The following GAB4 variants were observed in gnomAD, a reference collection of about 807,000 sequenced individuals.
GAB4 encodes GRB2-associated-binding protein 4.
GAB4 carries 26 observed loss-of-function variants against 51.3 expected under a neutral mutation model. The observed-to-expected ratio is 0.51, with a 90% CI of 0.37 to 0.70. The LOEUF (loss-of-function observed/expected upper bound fraction) is 0.70. Among genes scored for constraint, GAB4 ranks in the 30% least tolerant of loss-of-function variants. The pLI is 0.00. For missense variants in GAB4, 759 were observed against 734.6 expected (o/e 1.03, Z -0.38); for synonymous variants, 329 against 291.2 (o/e 1.13, Z -1.32).
At chr22:16,975,947 G>T (rs531848706) in intron 3 of GAB4, among the ~76,000 whole-genome samples, 4 of 152,076 alleles carry the variant, frequency 2.6e-5, no homozygotes, top group Non-Finnish European at 5.9e-5. Context: ...CTGACTGTTA[G>T]GAGGAAAACT....
intron 3 of GAB4, among the ~76,000 whole-genome samples, chr22:16,977,088 C>T (rs1332613878): frequency 3.9e-5 from 6 of 152,106 alleles, no homozygotes; most frequent in African/African-American, 7.2e-5. Flanking sequence ...TAGAGACCAT[C>T]AATGCTAGGA....
chr22:16,964,798 A>C lies in GAB4; in HGVS notation c.1444T>G (p.Ser482Ala), dbSNP rs2060658122. ...ISTQSITNTD[S>A]EDSGERYLFP... ...AGATACCTCTCTCCACTGTCTTCTG[A>C]GTCTGTGTTGGTGATGCTCTGCGTG... The change falls in exon 8 of 10, where the codon TCA (serine) becomes GCA (alanine). Residue 482 changes from serine (S) to alanine (A), a missense_variant. By Grantham distance (99) the Ser-to-Ala change is moderately conservative. This residue lies in a region of GAB4 where 588 missense variants were observed against 510.2 expected (regional missense o/e 1.15). Coordinates refer to ENST00000400588, the MANE Select transcript of GAB4 (RefSeq NM_001037814.1). 1 of 1,613,724 alleles carries C rather than the reference A, an allele frequency of 6.2e-7. No individual in the cohort carries two copies. Among genetic ancestry groups the C allele is most frequent in the Non-Finnish European group, 8.5e-7 (1 of 1,179,814 alleles).
chr22:16,986,144 G>A (rs2060865224), intron 3 of GAB4, among the ~76,000 whole-genome samples: 1 of 152,218 alleles, frequency 6.6e-6, no homozygotes, highest in African/African-American at 2.4e-5. Context: ...TGGGAGTACA[G>A]GTGGTGGTGG....
chr22:16,966,435 C>A, intron 5 of GAB4, 71 bp from the exon 6 acceptor site: 3 of 1,485,020 alleles, frequency 2.0e-6, no homozygotes, highest in South Asian at 2.5e-5. Context: ...AATTTCTAGA[C>A]AAGGCCAAAA....
At chr22:16,983,666 T>G (rs1350286996) in intron 3 of GAB4, among the ~76,000 whole-genome samples, 1 of 152,198 alleles carries the variant, frequency 6.6e-6, no homozygotes, top group African/African-American at 2.4e-5. Context: ...AGTCAACTCA[T>G]TTTCAACAAA....
At chr22:17,001,634 C>T (rs2060998261) in intron 1 of GAB4, among the ~76,000 whole-genome samples, 1 of 152,244 alleles carries the variant, frequency 6.6e-6, no homozygotes, top group Non-Finnish European at 1.5e-5. Flanking sequence ...CTGAAGCCTT[C>T]TTCTGTCAAC....
At chr22:16,972,970 C>T (rs1200654059) in intron 3 of GAB4, among the ~76,000 whole-genome samples, 4 of 152,190 alleles carry the variant, frequency 2.6e-5, no homozygotes, top group Admixed American at 6.5e-5. Flanking sequence ...TCAAACCAGA[C>T]GTCACTGTGT....
At chr22:17,007,798 G>A in intron 1 of GAB4, 143 bp downstream of exon 1, 2 of 713,468 alleles carry the variant, frequency 2.8e-6, no homozygotes, top group Non-Finnish European at 4.6e-6. Context: ...TCACTGGCGG[G>A]GAGTCGCCTT....
chr22:16,963,590 T>A (rs1157268457), intron 9 of GAB4, 135 bp downstream of exon 9: 4 of 676,384 alleles, frequency 5.9e-6, no homozygotes, highest in Non-Finnish European at 1.0e-5. Flanking sequence ...AGAGCACCAC[T>A]GAGCATAAGA....
At chr22:16,999,249 G>A (rs191552981) in intron 1 of GAB4, among the ~76,000 whole-genome samples, 18 of 152,234 alleles carry the variant, frequency 1.2e-4, no homozygotes, top group African/African-American at 4.3e-4. Flanking sequence ...GATAGAATTC[G>A]GCTGTGAATC....
intron 1 of GAB4, among the ~76,000 whole-genome samples, chr22:16,998,360 T>C (rs575216619): frequency 3.3e-5 from 5 of 152,286 alleles, no homozygotes; most frequent in Admixed American, 2.6e-4. Context: ...AGGTCCTTCC[T>C]ATCCCTTGTA....
intron 5 of GAB4, 36 bp from the exon 6 acceptor site, chr22:16,966,400 C>A: frequency 6.3e-7 from 1 of 1,588,066 alleles, no homozygotes; most frequent in Non-Finnish European, 8.6e-7. Flanking sequence ...ACAGCTATCA[C>A]CAGCAAGAAC....
intron 3 of GAB4, among the ~76,000 whole-genome samples, chr22:16,985,541 C>G (rs1223882323): frequency 6.6e-6 from 1 of 152,224 alleles, no homozygotes. Context: ...ATGATGCAAG[C>G]TATGCCACTA....
chr22:16,995,785 C>T (rs1052555882), intron 1 of GAB4, among the ~76,000 whole-genome samples: 41 of 152,148 alleles, frequency 2.7e-4, no homozygotes, highest in Non-Finnish European at 4.9e-4. Flanking sequence ...AGGACACCCA[C>T]GCAAAAACCC....
At chr22:16,999,451 G>C (rs1313619424) in intron 1 of GAB4, among the ~76,000 whole-genome samples, 1 of 152,072 alleles carries the variant, frequency 6.6e-6, no homozygotes, top group African/African-American at 2.4e-5. Flanking sequence ...GTATTCTCTG[G>C]TGGTAGTTTG....
At chr22:16,977,816 C>G (rs1319706221) in intron 3 of GAB4, among the ~76,000 whole-genome samples, 1 of 152,166 alleles carries the variant, frequency 6.6e-6, no homozygotes, top group African/African-American at 2.4e-5. Flanking sequence ...GAAGGGAAAT[C>G]ATAACAAACA....
At chr22:16,963,923 T>G in intron 8 of GAB4, 94 bp from the exon 9 acceptor site, 1 of 901,286 alleles carries the variant, frequency 1.1e-6, no homozygotes. Flanking sequence ...ACGAGCCCAC[T>G]GGGTCCTACT....
rs115086513 is a variant in GAB4 at position 17,004,630 on chromosome 22, G to A, written c.174+3311C>T. The stretch of plus-strand genomic sequence containing the variant: ...GGCCTTCCATAAAATTCAACACCCC[G>A]TTCGTGCTAAAAACTCTCAATAAAC... On this transcript the variant is annotated intron_variant, in intron 1 of 9. Transcript: ENST00000400588. Among the ~76,000 whole-genome samples the A allele has an allele frequency of 5.5e-3, 807 of 146,758 alleles. 7 individuals carry two copies. Among genetic ancestry groups the A allele is most frequent in the African/African-American group, 0.019 (756 of 39,560 alleles).
chr22:16,975,124 T>C (rs761354773), intron 3 of GAB4, among the ~76,000 whole-genome samples: 5 of 152,152 alleles, frequency 3.3e-5, no homozygotes, highest in African/African-American at 1.2e-4. Flanking sequence ...TTTTTTTCCA[T>C]ACCCTAGTGG....
Sources: gnomAD v4.1 joint callset for allele counts (sites outside exome capture counted in the v4.1 genomes callset) on GRCh38, gnomAD v4.1.1 for gene constraint, gnomAD v4.1.1 regional missense constraint, MANE v1.5 for transcripts, NCBI Gene and HGNC (gene_info 2026-07-23, HGNC 2026-07-21) for gene names.